Variants in SFI1 observed in about 807,000 individuals in gnomAD.
SFI1 encodes the protein protein SFI1 homolog.
In SFI1, 195 loss-of-function variants were observed where a neutral mutation model predicts 207.5. The observed-to-expected ratio is 0.94, with a 90% CI of 0.84 to 1.06. SFI1 has a LOEUF of 1.06. Among genes scored for constraint, SFI1 ranks in the 50% least tolerant of loss-of-function variants. The pLI, the probability that SFI1 is intolerant of heterozygous loss-of-function variation, is 0.00. For missense variants in SFI1, 1,634 were observed against 1,588.0 expected (o/e 1.03, Z -0.49); for synonymous variants, 630 against 598.9 (o/e 1.05, Z -0.76).
At chr22:31,589,356 G>T in intron 14 of SFI1, 91 bp from the exon 15 acceptor site, 2 of 1,130,762 alleles carry the variant, frequency 1.8e-6, no homozygotes, top group South Asian at 2.5e-5. Context: ...TATTATATAG[G>T]AAGCAATCCT....
Position 31,615,075 on chromosome 22 carries a change from A to G in SFI1, c.3096A>G (p.Leu1032=). ...CTCAGAAGCCACAGGAACATGGCCT[A>G]GGCATGGCTCAGCCAGCAGCCCCCT... The part of the protein sequence containing the change: ...QRPQKPQEHG[L]GMAQPAAPSL... The change falls in exon 29 of 33, where the codon CTA becomes CTG. Residue 1032 remains leucine (L), a synonymous_variant. Transcript: ENST00000400288. 1 of 1,609,250 alleles carries G rather than the reference A, an allele frequency of 6.2e-7. No homozygotes were observed. Among genetic ancestry groups the G allele is most frequent in the East Asian group, 2.2e-5 (1 of 44,818 alleles).
intron 8 of SFI1, among the ~76,000 whole-genome samples, chr22:31,564,514 A>G (rs1211937770): frequency 1.3e-5 from 2 of 150,966 alleles, no homozygotes; most frequent in East Asian, 3.9e-4. Context: ...TTTTTAAGTT[A>G]TTTTTTGGGG....
chr22:31,497,481 T>A (rs1295737273), intron 1 of SFI1: 1 of 152,180 alleles, frequency 6.6e-6, no homozygotes, highest in African/African-American at 2.4e-5. Flanking sequence ...ACAGCAAACT[T>A]AAGTGTTGTG....
At chr22:31,614,522 C>A (rs944666650) in intron 27 of SFI1, 9 of 653,214 alleles carry the variant, frequency 1.4e-5, no homozygotes, top group Admixed American at 2.1e-5. Flanking sequence ...GTGACATGGA[C>A]CCTGGCGACC....
chr22:31,500,607 G>A (rs2053579604), intron 1 of SFI1, among the ~76,000 whole-genome samples: 1 of 149,722 alleles, frequency 6.7e-6, no homozygotes, highest in Admixed American at 6.7e-5. Context: ...ACAGGCACCT[G>A]CCACTACACC....
At chr22:31,602,872 C>A in intron 17 of SFI1, 87 bp downstream of exon 17, 2 of 1,403,406 alleles carry the variant, frequency 1.4e-6, no homozygotes, top group Non-Finnish European at 1.9e-6. Flanking sequence ...AAGTGCCTGT[C>A]TGGAGGACTG....
chr22:31,548,508 C>T (rs1322407670), intron 5 of SFI1, among the ~76,000 whole-genome samples: 4 of 148,874 alleles, frequency 2.7e-5, no homozygotes, highest in African/African-American at 7.4e-5. Flanking sequence ...CCGGGCATGG[C>T]GGCATGCGCC....
intron 6 of SFI1, 68 bp downstream of exon 6, chr22:31,550,416 C>A: frequency 8.3e-7 from 1 of 1,200,146 alleles, no homozygotes; most frequent in Non-Finnish European, 1.2e-6. Context: ...ATAGGAAGGA[C>A]AAACACATTG....
rs942420916 is a variant in SFI1, at chr22:31,533,491, CTG to C, written c.338+2364_338+2365del. Among the ~76,000 whole-genome samples, 13 of 152,228 alleles carry C rather than the reference CTG, an allele frequency of 8.5e-5. No individual in the cohort carries two copies. The East Asian group carries it at 2.3e-3, about 27-fold the overall frequency. On this transcript the variant is annotated intron_variant, in intron 4 of 32. Transcript: ENST00000400288. The stretch of plus-strand genomic sequence containing the variant: ...GTTGCAGTGAGCCGAGATCATGTGA[CTG>C]TACTCCAGCCTGAGCAACAGAGAAT...
Position 31,575,361 on chromosome 22 carries a change from C to A in SFI1, c.1053C>A (p.Ala351=), listed in dbSNP as rs1490047095. 5.0e-6 allele frequency: 8 copies of A among 1,611,652 alleles called. No individual in the cohort carries two copies. Among genetic ancestry groups the A allele is most frequent in the Non-Finnish European group, 5.9e-6 (7 of 1,179,148 alleles). ...TGGAGAAACTGGCCAGGAAGATGGC[C>A]CTGCGGCGCGCCTTTACTCACTGGA... ...AQVEKLARKM[A]LRRAFTHWKH... The change falls in exon 10 of 33, where the codon GCC becomes GCA. Residue 351 remains alanine, a synonymous_variant. Coordinates refer to ENST00000400288, the MANE Select transcript of SFI1 (RefSeq NM_001007467.3).
chr22:31,558,472 T>A (rs1039525996), intron 7 of SFI1, among the ~76,000 whole-genome samples: 3 of 152,002 alleles, frequency 2.0e-5, no homozygotes, highest in African/African-American at 7.2e-5. Flanking sequence ...GAGTGAATTT[T>A]TTTTTTTTTT....
Position 31,578,373 on chromosome 22 carries a change from TC to T in SFI1, c.1085-7del. On this transcript the variant is annotated splice_polypyrimidine_tract_variant and splice_region_variant and intron_variant, in intron 10 of 32. Coordinates refer to ENST00000400288, the MANE Select transcript of SFI1 (RefSeq NM_001007467.3). ...CTTGTTGGGACTGGAGGCCTTCACT[TC>T]CTGGCAGACATGCTGCTGTGTGCAG... 6.2e-7 allele frequency: 1 copy of T among 1,612,318 alleles called. No homozygotes were observed. The highest frequency in any genetic ancestry group is 8.5e-7 in the Non-Finnish European group (1 of 1,178,818).
rs1234894025 is a variant in SFI1, at chr22:31,602,785, A to G, written c.1805A>G (p.Glu602Gly). The G allele has an allele frequency of 6.2e-7, 1 of 1,612,862 alleles. No individual in the cohort carries two copies. Among genetic ancestry groups the G allele is most frequent in the Admixed American group, 1.7e-5 (1 of 59,972 alleles). Reference sequence around the variant, plus strand: ...GAAAGTGCCCAAGGGCTCAGAACAGAGTGAGTGGCCAGTTCTGCCTTACAA... The same window carrying G: ...GAAAGTGCCCAAGGGCTCAGAACAGGGTGAGTGGCCAGTTCTGCCTTACAA... ...WRESAQGLRT[E>G]RTGRVRAAEF... The change falls in exon 17 of 33, where the codon GAG becomes GGG. Residue 602 changes from glutamate to glycine, a missense_variant and splice_region_variant. Transcript: ENST00000400288.
intron 15 of SFI1, among the ~76,000 whole-genome samples, chr22:31,595,836 A>G (rs1169274268): frequency 2.0e-5 from 3 of 152,220 alleles, no homozygotes; most frequent in Admixed American, 6.5e-5. Context: ...ATATTTGAGC[A>G]GGTACATGGA....
At chr22:31,614,983 C>T (rs1218095353) in intron 28 of SFI1, 65 bp from the exon 29 acceptor site, 2 of 1,582,112 alleles carry the variant, frequency 1.3e-6, no homozygotes, top group Non-Finnish European at 1.7e-6. Flanking sequence ...CCCTTTCCTT[C>T]TTGTTCTTTG....
At chr22:31,599,407 A>G (rs1044820651) in intron 15 of SFI1, among the ~76,000 whole-genome samples, 12 of 151,870 alleles carry the variant, frequency 7.9e-5, no homozygotes, top group Admixed American at 2.6e-4. Context: ...GCTCACTGCA[A>G]TCTTCGCCTC....
chr22:31,569,118 T>C lies in SFI1; in HGVS notation c.766-3940T>C, dbSNP rs571565100. On this transcript the variant is annotated intron_variant, in intron 8 of 32. Transcript: ENST00000400288. ...GAGGGTTAATGAGAGAGAAGCCTTC[T>C]TTATAGAAGAATTCCAGTTAATAAA... Among the ~76,000 whole-genome samples, 3 of 152,326 alleles carry C rather than the reference T, an allele frequency of 2.0e-5. No individual in the cohort carries two copies. In the East Asian group the frequency reaches 5.8e-4, roughly 29 times the overall value.
At chr22:31,523,195 A>G (rs1357657070) in intron 2 of SFI1, among the ~76,000 whole-genome samples, 3 of 152,204 alleles carry the variant, frequency 2.0e-5, no homozygotes, top group Admixed American at 1.3e-4. Flanking sequence ...GTAGTAATAG[A>G]TAATTATTTT....
At position 31,578,372 on chromosome 22, in the gene SFI1, T is replaced by C; in HGVS notation, c.1085-10T>C. On this transcript the variant is annotated splice_polypyrimidine_tract_variant and intron_variant, in intron 10 of 32. Coordinates refer to ENST00000400288, the MANE Select transcript of SFI1 (RefSeq NM_001007467.3). ...CCTTGTTGGGACTGGAGGCCTTCAC[T>C]TCCTGGCAGACATGCTGCTGTGTGC... 1 of 1,612,272 alleles carries C rather than the reference T, an allele frequency of 6.2e-7. No individual in the cohort carries two copies. Among genetic ancestry groups the C allele is most frequent in the East Asian group, 2.2e-5 (1 of 44,860 alleles).
Sources: gnomAD v4.1 joint callset for allele counts (sites outside exome capture counted in the v4.1 genomes callset) on GRCh38, gnomAD v4.1.1 for gene constraint, MANE v1.5 for transcripts, NCBI Gene and HGNC (gene_info 2026-07-23, HGNC 2026-07-21) for gene names.